Variants in GPATCH2L observed in about 807,000 individuals in gnomAD.
The protein encoded by GPATCH2L is G-patch domain containing 2 like.
Under a neutral mutation model 57.4 loss-of-function variants are expected in GPATCH2L, and 31 were observed. The observed-to-expected ratio is 0.54, with a 90% CI of 0.41 to 0.73. GPATCH2L has a LOEUF of 0.73. Ranked by LOEUF, GPATCH2L falls within the 30% of genes least tolerant of loss-of-function variation. The pLI is 0.00. For synonymous variants in GPATCH2L, 199 were observed against 210.7 expected (o/e 0.94, Z 0.48); for missense variants, 481 against 599.9 (o/e 0.80, Z 2.07).
rs1428841297 is a variant in GPATCH2L, at chr14:76,201,764, G to A, written c.1362G>A (p.Val454=). Residue 454 remains valine, a synonymous_variant, in exon 10 of 10, where the codon GTG becomes GTA. Transcript: ENST00000261530. The stretch of plus-strand genomic sequence containing the variant: ...AATCACCCAGCTCTGAGTGGTTGGT[G>A]AGGACCTCTGCAGCAGAGAAAGCCA... ...APKSPSSEWL[V]RTSAAEKATD... 6.2e-7 allele frequency: 1 copy of A among 1,614,050 alleles called. No homozygotes were observed. Among genetic ancestry groups the A allele is most frequent in the South Asian group, 1.1e-5 (1 of 91,076 alleles).
intron 2 of GPATCH2L, among the ~76,000 whole-genome samples, chr14:76,233,290 G>A (rs1265954995): frequency 6.6e-6 from 1 of 152,168 alleles, no homozygotes; most frequent in Non-Finnish European, 1.5e-5. Context: ...CACGCAGCAG[G>A]TATCAGAGCA....
chr14:76,182,458 C>T (rs189075010), intron 8 of GPATCH2L, among the ~76,000 whole-genome samples: 15 of 137,716 alleles, frequency 1.1e-4, no homozygotes, highest in Admixed American at 4.5e-4. Flanking sequence ...TGGTGATGTA[C>T]ACCTGTAGTC....
At chr14:76,167,107 T>C (rs1423387281) in intron 3 of GPATCH2L, among the ~76,000 whole-genome samples, 1 of 152,176 alleles carries the variant, frequency 6.6e-6, no homozygotes, top group South Asian at 2.1e-4. Flanking sequence ...AGACATTATT[T>C]TCATATAGAG....
chr14:76,184,918 T>C (rs1336258962), intron 8 of GPATCH2L, among the ~76,000 whole-genome samples: 6 of 152,246 alleles, frequency 3.9e-5, no homozygotes, highest in African/African-American at 1.4e-4. Flanking sequence ...TTGTCCTAAA[T>C]GCATATGGTT....
At chr14:76,232,639 T>C (rs1390727662) in intron 2 of GPATCH2L, among the ~76,000 whole-genome samples, 3 of 152,166 alleles carry the variant, frequency 2.0e-5, no homozygotes, top group African/African-American at 7.2e-5. Context: ...TTCACGGTTA[T>C]GGGTTATTAC....
chr14:76,174,962 A>G (rs1330035814), intron 5 of GPATCH2L: 1 of 152,206 alleles, frequency 6.6e-6, no homozygotes, highest in Non-Finnish European at 1.5e-5. Context: ...ATTAGAAGAC[A>G]TTTGATTATT....
chr14:76,225,793 T>C (rs1266460505), intron 1 of GPATCH2L, among the ~76,000 whole-genome samples: 1 of 152,192 alleles, frequency 6.6e-6, no homozygotes, highest in Non-Finnish European at 1.5e-5. Context: ...AATGAAATTA[T>C]GGGCAAATGA....
At position 76,207,553 on chromosome 14, in the gene GPATCH2L, A is replaced by T. The variant is rs2040393153; in HGVS notation, c.*5702A>T. ...ATGAAAAAAAAAATTGGAAGAAAAA[A>T]ACACCTTGGGTACATAGATGTGTAA... On this transcript the variant is annotated 3_prime_UTR_variant, in exon 10 of 10. Transcript: ENST00000261530. 6.6e-6 allele frequency: 1 copy of T among 152,154 alleles called. No individual in the cohort carries two copies. The highest frequency in any genetic ancestry group is 2.4e-5 in the African/African-American group (1 of 41,440). 9.4% of individuals were successfully genotyped at this position (152,154 alleles called of 1,614,324 possible).
intron 9 of GPATCH2L, among the ~76,000 whole-genome samples, chr14:76,200,412 G>A (rs2040281396): frequency 6.6e-6 from 1 of 152,106 alleles, no homozygotes; most frequent in Non-Finnish European, 1.5e-5. Flanking sequence ...GACCATGTAG[G>A]TACAGTTTTT....
intron 7 of GPATCH2L, 103 bp downstream of exon 7, chr14:76,178,145 G>T (rs574487154): frequency 7.9e-7 from 1 of 1,270,504 alleles, no homozygotes; most frequent in Non-Finnish European, 1.1e-6. Flanking sequence ...CTCTTTGTAG[G>T]TTCAACTGTG....
At chr14:76,196,238 T>C in intron 9 of GPATCH2L, 3 of 613,736 alleles carry the variant, frequency 4.9e-6, no homozygotes, top group South Asian at 1.9e-5. Context: ...GCTTTTGTTT[T>C]AGCAGACAGG....
In GPATCH2L at chr14:76,203,928, C is replaced by CT. The variant is rs1452748807; in HGVS notation, c.*2078dup. On this transcript the variant is annotated 3_prime_UTR_variant, in exon 10 of 10. Coordinates refer to ENST00000261530, the MANE Select transcript of GPATCH2L (RefSeq NM_017926.4). ...ATGATCATGGCCTATTAGTGAAAAC[C>CT]TCCAAAGGTCAGGTGGCCAAGGTGT... 1 of 152,178 alleles carries CT rather than the reference C, an allele frequency of 6.6e-6. No individual in the cohort carries two copies. The highest frequency in any genetic ancestry group is 1.5e-5 in the Non-Finnish European group (1 of 68,038). The allele number at this position is 152,178 out of a possible 1,614,324, so 9.4% of individuals were successfully genotyped here.
Position 76,207,377 on chromosome 14 carries a change from T to A in GPATCH2L, c.*5526T>A, listed in dbSNP as rs1283851293. Reference sequence around the variant, plus strand: ...GATCAATGAATTGTTAGTCTACGAATGATAGTCATTTTTCACAATTGGCAG... The same window carrying A: ...GATCAATGAATTGTTAGTCTACGAAAGATAGTCATTTTTCACAATTGGCAG... On this transcript the variant is annotated 3_prime_UTR_variant, in exon 10 of 10. Transcript: ENST00000261530. 1 of 152,210 alleles carries A rather than the reference T, an allele frequency of 6.6e-6. No individual in the cohort carries two copies. The highest frequency in any genetic ancestry group is 1.5e-5 in the Non-Finnish European group (1 of 68,036). The allele number at this position is 152,210 out of a possible 1,614,324, so 9.4% of individuals were successfully genotyped here. A position where few individuals can be genotyped will look rare whatever the true frequency, so the allele number is the denominator to read the frequency against.
intron 8 of GPATCH2L, among the ~76,000 whole-genome samples, chr14:76,187,417 A>G (rs901793628): frequency 2.6e-5 from 4 of 152,086 alleles, no homozygotes; most frequent in Admixed American, 2.6e-4. Flanking sequence ...CATTTTTGTT[A>G]AAAATAATTG....
downstream of GPATCH2L, among the ~76,000 whole-genome samples, chr14:76,216,772 C>T (rs1694091667): frequency 6.6e-6 from 1 of 152,000 alleles, no homozygotes; most frequent in South Asian, 2.1e-4. Flanking sequence ...GAGGGCTAGT[C>T]CCACTACATA....
chr14:76,176,801 T>C (rs2039346967), intron 6 of GPATCH2L, 111 bp downstream of exon 6: 4 of 731,866 alleles, frequency 5.5e-6, no homozygotes, highest in African/African-American at 1.7e-5. Flanking sequence ...AAAGAGATCT[T>C]AAAGATTTGT....
downstream of GPATCH2L, among the ~76,000 whole-genome samples, chr14:76,217,014 G>A (rs1019402991): frequency 4.6e-5 from 7 of 152,030 alleles, no homozygotes; most frequent in African/African-American, 1.7e-4. Context: ...GGAAAAAGTG[G>A]ATCTGTTTCT....
chr14:76,182,006 T>C (rs2039576857), intron 8 of GPATCH2L, among the ~76,000 whole-genome samples: 1 of 152,152 alleles, frequency 6.6e-6, no homozygotes, highest in African/African-American at 2.4e-5. Context: ...ACTGAAGAAG[T>C]GGTATTTCTG....
At chr14:76,192,406 T>C (rs1229915551) in intron 8 of GPATCH2L, among the ~76,000 whole-genome samples, 1 of 152,148 alleles carries the variant, frequency 6.6e-6, no homozygotes, top group Non-Finnish European at 1.5e-5. Context: ...CCTCATATAC[T>C]GACAGCGAAG....
Sources: allele counts gnomAD v4.1 joint callset (sites outside exome capture counted in the v4.1 genomes callset), GRCh38; gene constraint gnomAD v4.1.1; transcripts MANE v1.5; gene names NCBI Gene and HGNC (gene_info 2026-07-23, HGNC 2026-07-21).